The following TJP2 variants were observed in gnomAD, a reference collection of about 807,000 sequenced individuals.
TJP2 encodes tight junction protein 2, also known as Friedreich ataxia region gene X104 (tight junction protein ZO-2).
TJP2 carries 91 observed loss-of-function variants against 133.1 expected under a neutral mutation model. That is an observed-to-expected ratio of 0.68 (90% confidence interval 0.58 to 0.81). The LOEUF is 0.81. Among genes scored for constraint, TJP2 ranks in the 40% least tolerant of loss-of-function variants. TJP2 has a pLI of 0.00. For missense variants in TJP2, 1,541 were observed against 1,565.6 expected (o/e 0.98, Z 0.26); for synonymous variants, 592 against 583.4 (o/e 1.01, Z -0.21).
At chr9:69,145,629 C>CTA (rs1458251423) in intron 1 of TJP2, 15 of 892,230 alleles carry the variant, frequency 1.7e-5, no homozygotes, top group Non-Finnish European at 2.1e-5. Context: ...ACAGCAGCTT[C>CTA]CATTAAAGAT....
chr9:69,186,055 G>A (rs924582193), intron 1 of TJP2, among the ~76,000 whole-genome samples: 1 of 151,906 alleles, frequency 6.6e-6, no homozygotes, highest in Non-Finnish European at 1.5e-5. Flanking sequence ...GGTGTGAGCC[G>A]CCGCGCCCGG....
chr9:69,224,700 G>A (rs1245424982), intron 5 of TJP2, among the ~76,000 whole-genome samples: 4 of 152,032 alleles, frequency 2.6e-5, no homozygotes, highest in South Asian at 4.1e-4. Context: ...AAAAGAAAAT[G>A]TTAATTTTAT....
intron 1 of TJP2, chr9:69,145,589 G>C (rs958028994): frequency 1.8e-6 from 1 of 561,770 alleles, no homozygotes; most frequent in African/African-American, 1.9e-5. Context: ...AATAGATCTA[G>C]CTAGGGCTAC....
upstream of TJP2, among the ~76,000 whole-genome samples, chr9:69,171,789 ATTTTT>A (rs34717893): frequency 0.013 from 1,119 of 86,760 alleles, 17 homozygotes; most frequent in African/African-American, 0.046. Context: ...GAGTAGAAGA[ATTTTT>A]TTTTTTTTTT....
At chr9:69,134,000 G>A (rs1369608547) in intron 1 of TJP2, among the ~76,000 whole-genome samples, 2 of 124,692 alleles carry the variant, frequency 1.6e-5, no homozygotes, top group Admixed American at 8.5e-5. Context: ...CAAGTCCCTC[G>A]GACAGGATTG....
rs972839022 is a variant in TJP2, at chr9:69,247,889, T to C, written c.2668-123T>C. 1.3e-5 allele frequency: 12 copies of C among 936,968 alleles called. No homozygotes were observed. In the Admixed American group the frequency reaches 3.0e-4, roughly 24 times the overall value. The allele number at this position is 936,968 out of a possible 1,614,324, so 58.0% of individuals were successfully genotyped here. A position where few individuals can be genotyped will look rare whatever the true frequency, so the allele number is the denominator to read the frequency against. ...TGATCTCAGGGAGAAAAATAAAAGATGCCTTCCCTGGCGAGCACATCAAGG... is the reference window on the plus strand; with the variant it reads ...TGATCTCAGGGAGAAAAATAAAAGACGCCTTCCCTGGCGAGCACATCAAGG... On this transcript the variant is annotated intron_variant, in intron 18 of 22. Transcript: ENST00000377245.
At chr9:69,143,062 ATAAAT>A (rs1823075961) in intron 1 of TJP2, among the ~76,000 whole-genome samples, 1 of 152,238 alleles carries the variant, frequency 6.6e-6, no homozygotes, top group African/African-American at 2.4e-5. Flanking sequence ...TAAAAAATGA[ATAAAT>A]AAATTAGCAA....
At chr9:69,228,579 T>G (rs1053631361) in intron 9 of TJP2, among the ~76,000 whole-genome samples, 1 of 152,236 alleles carries the variant, frequency 6.6e-6, no homozygotes, top group Non-Finnish European at 1.5e-5. Flanking sequence ...CATGTGTGTA[T>G]ATATGTATAC....
chr9:69,216,323 C>G lies in TJP2; in HGVS notation c.115-16C>G, dbSNP rs768355462. The G allele has an allele frequency of 1.2e-6, 2 of 1,613,938 alleles. No homozygotes were observed. Among genetic ancestry groups the G allele is most frequent in the African/African-American group, 2.7e-5 (2 of 74,910 alleles). ...TTATTGAAGGATTTTTAATATTTCT[C>G]CTCTCTGATGTACAGGATTCCAAAA... On this transcript the variant is annotated splice_polypyrimidine_tract_variant and intron_variant, in intron 2 of 22. Coordinates refer to ENST00000377245, the MANE Select transcript of TJP2 (RefSeq NM_004817.4).
In TJP2 at chr9:69,221,012, C is replaced by A; in HGVS notation, c.468C>A (p.Ser156Arg). 1 of 1,610,460 alleles carries A rather than the reference C, an allele frequency of 6.2e-7. No homozygotes were observed. Residue 156 changes from serine (S) to arginine (R), a missense_variant, in exon 5 of 23, where the codon AGC (serine) becomes AGA (arginine). Ser to Arg is a moderately radical substitution (Grantham distance 110). Transcript: ENST00000377245. ...FDGRSFRSGY[S>R]ERSRLNSHGG... Reference sequence around the variant, plus strand: ...GCAGAAGTTTCCGGAGTGGCTACAGCGAGAGGAGCCGGCTGAACAGCCATG... The same window carrying A: ...GCAGAAGTTTCCGGAGTGGCTACAGAGAGAGGAGCCGGCTGAACAGCCATG...
At position 69,233,498 on chromosome 9, in the gene TJP2, C is replaced by T. The variant is rs1829942169; in HGVS notation, c.1672-941C>T. Among the ~76,000 whole-genome samples the T allele has an allele frequency of 2.6e-5, 4 of 152,278 alleles. 1 individual carries two copies. Among genetic ancestry groups the T allele is most frequent in the African/African-American group, 4.8e-5 (2 of 41,558 alleles). Reference sequence around the variant, plus strand: ...GAAAGATACAGAACTATGGGCCAGGCGTGGTGGCTCACGCATGTAATCCCA... The same window carrying T: ...GAAAGATACAGAACTATGGGCCAGGTGTGGTGGCTCACGCATGTAATCCCA... On this transcript the variant is annotated intron_variant, in intron 11 of 22. Transcript: ENST00000377245.
At chr9:69,219,632 C>G (rs1254157841) in intron 4 of TJP2, among the ~76,000 whole-genome samples, 2 of 152,058 alleles carry the variant, frequency 1.3e-5, no homozygotes, top group Non-Finnish European at 2.9e-5. Flanking sequence ...TTGTGTTTCC[C>G]AGGCTGATCT....
chr9:69,254,196 C>T lies in TJP2; in HGVS notation c.3408-13C>T. 6.2e-7 allele frequency: 1 copy of T among 1,614,136 alleles called. No individual in the cohort carries two copies. The highest frequency in any genetic ancestry group is 1.1e-5 in the South Asian group (1 of 91,062). On this transcript the variant is annotated splice_polypyrimidine_tract_variant and intron_variant, in intron 22 of 22. Transcript: ENST00000377245. ...TGTGCTCTGGAATGTCTTTAACACC[C>T]TTTTTTTGTTAGTTCCAGACCCCCT... is the stretch of plus-strand genomic sequence containing the variant.
intron 2 of TJP2, among the ~76,000 whole-genome samples, chr9:69,159,338 G>A (rs946135758): frequency 6.6e-5 from 10 of 151,858 alleles, no homozygotes; most frequent in African/African-American, 2.2e-4. Context: ...ATAAAATAGT[G>A]ATGTTTGAAA....
At chr9:69,184,872 T>TC (rs111600077) in intron 1 of TJP2, among the ~76,000 whole-genome samples, 69,789 of 149,656 alleles carry the variant, frequency 0.47, 16,441 homozygotes, top group South Asian at 0.53. Context: ...CACCTCAGCC[T>TC]CCGATTAGCT....
intron 1 of TJP2, among the ~76,000 whole-genome samples, chr9:69,179,998 T>C (rs1564408260): frequency 1.3e-5 from 2 of 152,244 alleles, no homozygotes; most frequent in African/African-American, 4.8e-5. Context: ...GTAATTATTA[T>C]TTCTATTGTA....
At chr9:69,201,860 A>G (rs192929758) in intron 1 of TJP2, among the ~76,000 whole-genome samples, 130 of 152,210 alleles carry the variant, frequency 8.5e-4, no homozygotes, top group African/African-American at 3.1e-3. Flanking sequence ...AGCCAATCAC[A>G]GGAAGACAAA....
intron 13 of TJP2, 152 bp downstream of exon 13, chr9:69,236,390 T>G: frequency 2.5e-6 from 2 of 787,054 alleles, no homozygotes; most frequent in Admixed American, 5.0e-5. Context: ...TGGCCTGAAC[T>G]GTAAATAGCC....
At chr9:69,132,246 G>T (rs1822526449) in intron 1 of TJP2, among the ~76,000 whole-genome samples, 1 of 152,214 alleles carries the variant, frequency 6.6e-6, no homozygotes, top group Admixed American at 6.5e-5. Context: ...TAAACCACAT[G>T]GTTGTACAGT....
Sources: allele counts gnomAD v4.1 joint callset (sites outside exome capture counted in the v4.1 genomes callset), GRCh38; gene constraint gnomAD v4.1.1; transcripts MANE v1.5; gene names NCBI Gene and HGNC (gene_info 2026-07-23, HGNC 2026-07-21).